The following TPRG1 variants were observed in gnomAD, a reference collection of about 807,000 sequenced individuals.
The protein encoded by TPRG1 is tumor protein p63 regulated 1, also known as tumor protein p63-regulated gene 1 protein.
Under a neutral mutation model 29.3 loss-of-function variants are expected in TPRG1, and 29 were observed. That is an observed-to-expected ratio of 0.99 (90% CI 0.74 to 1.35). TPRG1 has a LOEUF of 1.35. TPRG1 is among the 40% of genes most tolerant of loss of function. The pLI is 0.00. For missense variants in TPRG1, 327 were observed against 335.0 expected (o/e 0.98, Z 0.19); for synonymous variants, 130 against 116.8 (o/e 1.11, Z -0.73).
intron 1 of TPRG1, among the ~76,000 whole-genome samples, chr3:189,205,436 T>A (rs948239983): frequency 6.6e-6 from 1 of 152,238 alleles, no homozygotes; most frequent in Non-Finnish European, 1.5e-5. Flanking sequence ...TAGCACCCTT[T>A]TCATGCCAAA....
upstream of TPRG1, among the ~76,000 whole-genome samples, chr3:189,098,512 C>T (rs924289891): frequency 6.6e-6 from 1 of 152,048 alleles, no homozygotes; most frequent in African/African-American, 2.4e-5. Context: ...CAGACAAGAA[C>T]GTCCAGGGGA....
intron 4 of TPRG1, among the ~76,000 whole-genome samples, chr3:189,308,775 A>G (rs1294653183): frequency 1.3e-5 from 2 of 152,232 alleles, no homozygotes; most frequent in Non-Finnish European, 2.9e-5. Context: ...TGCACCCAGC[A>G]CATAAATTGA....
chr3:189,257,566 G>A (rs895890997), intron 4 of TPRG1, among the ~76,000 whole-genome samples: 1 of 151,990 alleles, frequency 6.6e-6, no homozygotes, highest in African/African-American at 2.4e-5. Context: ...TGCTAGGTTG[G>A]GGAAGTTCTT....
chr3:189,043,861 C>A (rs1714791221), intron 4 of TPRG1, among the ~76,000 whole-genome samples: 1 of 152,050 alleles, frequency 6.6e-6, no homozygotes, highest in Non-Finnish European at 1.5e-5. Flanking sequence ...ACTTTTATTC[C>A]CAGAGAAGAG....
At position 189,198,851 on chromosome 3, in the gene TPRG1, G is replaced by C. The variant is rs564425119; in HGVS notation, c.-9-8525G>C. Among the ~76,000 whole-genome samples, 21 of 152,290 alleles carry C rather than the reference G, an allele frequency of 1.4e-4. 1 individual carries two copies. The South Asian group carries it at 3.9e-3, about 29-fold the overall frequency. On this transcript the variant is annotated intron_variant, in intron 1 of 5. Transcript: ENST00000345063. Reference sequence around the variant, plus strand: ...CAGACTGGATGAGTGGTAGAAGCATGCACTCAAATGTCTAAGAAAATTCAT... The same window carrying C: ...CAGACTGGATGAGTGGTAGAAGCATCCACTCAAATGTCTAAGAAAATTCAT...
At chr3:189,101,068 G>A (rs1719142000) in intron 1 of TPRG1, among the ~76,000 whole-genome samples, 1 of 152,148 alleles carries the variant, frequency 6.6e-6, no homozygotes, top group Non-Finnish European at 1.5e-5. Context: ...ATGCCCTTGG[G>A]TCATTACAGC....
At chr3:189,082,668 C>G (rs1325050601) in intron 4 of TPRG1, among the ~76,000 whole-genome samples, 1 of 152,124 alleles carries the variant, frequency 6.6e-6, no homozygotes, top group Admixed American at 6.6e-5. Flanking sequence ...TTGACTGATT[C>G]TGTTTCAAAC....
At chr3:189,097,850 C>T (rs764037751), upstream of TPRG1, among the ~76,000 whole-genome samples, 3 of 152,108 alleles carry the variant, frequency 2.0e-5, no homozygotes, top group Non-Finnish European at 2.9e-5. Flanking sequence ...TCTCAGAAAC[C>T]GCTAGGGATT....
rs576117822 is a variant in TPRG1, at chr3:189,310,912, C to T, written c.633+373C>T. Among the ~76,000 whole-genome samples the T allele has an allele frequency of 6.3e-4, 96 of 152,156 alleles. 1 individual carries two copies. Among genetic ancestry groups the T allele is most frequent in the African/African-American group, 2.2e-3 (93 of 41,508 alleles). ...TTCGATGAGGTTCTATGGTCATGCT[C>T]GATTAAGTCACTTGTCTTTCTGAGA... is the stretch of plus-strand genomic sequence containing the variant. On this transcript the variant is annotated intron_variant, in intron 5 of 5. Coordinates refer to ENST00000345063, the MANE Select transcript of TPRG1 (RefSeq NM_198485.4).
intron 1 of TPRG1, among the ~76,000 whole-genome samples, chr3:189,105,137 A>G (rs1288723616): frequency 1.3e-5 from 2 of 152,272 alleles, no homozygotes; most frequent in South Asian, 4.1e-4. Context: ...TGGTGTTATT[A>G]AGGACATCCC....
At chr3:189,001,316 G>C (rs1383336358) in intron 2 of TPRG1, among the ~76,000 whole-genome samples, 1 of 152,114 alleles carries the variant, frequency 6.6e-6, no homozygotes, top group African/African-American at 2.4e-5. Flanking sequence ...TTTACTCTTT[G>C]TCCTAGTCTG....
At chr3:189,147,340 T>C (rs1455659573) in intron 3 of TPRG1, among the ~76,000 whole-genome samples, 1 of 152,100 alleles carries the variant, frequency 6.6e-6, no homozygotes, top group African/African-American at 2.4e-5. Flanking sequence ...AGGGGTAGGA[T>C]GAGTTTAGAG....
chr3:189,084,213 T>C (rs1488004362), intron 4 of TPRG1, among the ~76,000 whole-genome samples: 1 of 152,090 alleles, frequency 6.6e-6, no homozygotes, highest in African/African-American at 2.4e-5. Flanking sequence ...GCTCAGTGAA[T>C]ATTGCCAACA....
chr3:189,150,175 C>A (rs1367056823), intron 4 of TPRG1, among the ~76,000 whole-genome samples: 1 of 152,122 alleles, frequency 6.6e-6, no homozygotes, highest in Non-Finnish European at 1.5e-5. Context: ...GGTGAACTTG[C>A]AGGCTTTGTA....
intron 1 of TPRG1, among the ~76,000 whole-genome samples, chr3:189,109,414 C>T (rs1026899816): frequency 1.3e-5 from 2 of 152,188 alleles, no homozygotes; most frequent in South Asian, 4.1e-4. Flanking sequence ...ACAAGGGATG[C>T]AGCAACGTGT....
intron 4 of TPRG1, among the ~76,000 whole-genome samples, chr3:189,078,589 T>C (rs1195982279): frequency 6.6e-6 from 1 of 152,242 alleles, no homozygotes; most frequent in Non-Finnish European, 1.5e-5. Context: ...GCAGTCTAAA[T>C]TGTTTTGTCT....
chr3:189,183,724 T>A (rs1730546211), intron 1 of TPRG1, among the ~76,000 whole-genome samples: 1 of 151,908 alleles, frequency 6.6e-6, no homozygotes, highest in Non-Finnish European at 1.5e-5. Context: ...TCACCAGAGG[T>A]CAGAGTTTAA....
rs1442755325 is a variant in TPRG1 at position 189,213,520 on chromosome 3, G to A, written c.211-1772G>A. Among the ~76,000 whole-genome samples the A allele has an allele frequency of 2.0e-5, 3 of 152,284 alleles. No homozygotes were observed. In the East Asian group the frequency reaches 5.8e-4, roughly 29 times the overall value. On this transcript the variant is annotated intron_variant, in intron 2 of 5. Transcript: ENST00000345063. ...TTTTACCAAAGATAAGAACAGCACA[G>A]TGAGAAGACTGATAGAACTCCAGAG...
At chr3:189,241,781 T>C (rs983603534) in intron 4 of TPRG1, among the ~76,000 whole-genome samples, 4 of 152,112 alleles carry the variant, frequency 2.6e-5, no homozygotes, top group Admixed American at 6.5e-5. Context: ...ATTACGGGGT[T>C]CTGCTTTTGC....
Sources: allele counts gnomAD v4.1 joint callset (sites outside exome capture counted in the v4.1 genomes callset), GRCh38; gene constraint gnomAD v4.1.1; transcripts MANE v1.5; gene names NCBI Gene and HGNC (gene_info 2026-07-23, HGNC 2026-07-21).